CLDN20: variants seen among roughly 807,000 people sequenced by gnomAD.
CLDN20 encodes claudin 20.
For missense variants in CLDN20, 258 were observed against 267.9 expected (o/e 0.96, Z 0.26); for synonymous variants, 104 against 103.6 (o/e 1.00, Z -0.03).
intron 1 of CLDN20, among the ~76,000 whole-genome samples, chr6:155,268,886 A>G (rs1210348785): frequency 1.4e-5 from 2 of 148,086 alleles, no homozygotes; most frequent in Admixed American, 6.8e-5. Flanking sequence ...CCTTCCCTCC[A>G]CTATTGTCCT....
chr6:155,275,634 C>T lies in CLDN20; in HGVS notation c.-86C>T, dbSNP rs1751671651. 7.5e-7 allele frequency: 1 copy of T among 1,332,762 alleles called. No individual in the cohort carries two copies. The highest frequency in any genetic ancestry group is 1.4e-5 in the South Asian group (1 of 72,398). 82.6% of individuals were successfully genotyped at this position (1,332,762 alleles called of 1,614,324 possible). A position where few individuals can be genotyped will look rare whatever the true frequency, so the allele number is the denominator to read the frequency against. On this transcript the variant is annotated 5_prime_UTR_variant, in exon 2 of 2. Coordinates refer to ENST00000367165, the MANE Select transcript of CLDN20 (RefSeq NM_001001346.3). ...TCCTTAGGCTTTGTTATTTGGTTCT[C>T]TACTGCACAGAAATAGATAGAATTC...
At chr6:155,265,111 T>C (rs773826519) in intron 1 of CLDN20, among the ~76,000 whole-genome samples, 6 of 152,198 alleles carry the variant, frequency 3.9e-5, no homozygotes, top group Non-Finnish European at 8.8e-5. Flanking sequence ...ACGTGCCCTG[T>C]GTTTCCTGTC....
Position 155,275,925 on chromosome 6 carries a change from C to T in CLDN20, c.206C>T (p.Ser69Phe), listed in dbSNP as rs1189019584. 7.4e-6 allele frequency: 12 copies of T among 1,614,028 alleles called. No homozygotes were observed. The highest frequency in any genetic ancestry group is 1.0e-5 in the Non-Finnish European group (12 of 1,180,034). Residue 69 changes from serine to phenylalanine, a missense_variant, in exon 2 of 2, where the codon TCC becomes TTC. By Grantham distance (155) the Ser-to-Phe change is radical (BLOSUM62 -2). Coordinates refer to ENST00000367165, the MANE Select transcript of CLDN20 (RefSeq NM_001001346.3). ...TGMFSCALKH[S>F]ILSLPIHVQA... ...ATGTTCAGCTGTGCCCTGAAACACT[C>T]CATTCTGTCCCTCCCCATCCACGTG...
At chr6:155,267,132 A>G (rs1035169963) in intron 1 of CLDN20, among the ~76,000 whole-genome samples, 1 of 151,782 alleles carries the variant, frequency 6.6e-6, no homozygotes, top group African/African-American at 2.4e-5. Context: ...GTGGCACCAC[A>G]CCCGGCCAAT....
rs1176387237 is a variant in CLDN20, at chr6:155,276,493, T to C, written c.*114T>C. The C allele has an allele frequency of 1.0e-5, 10 of 960,394 alleles. No individual in the cohort carries two copies. Among genetic ancestry groups the C allele is most frequent in the Non-Finnish European group, 1.5e-5 (10 of 649,632 alleles). 59.5% of individuals were successfully genotyped at this position (960,394 alleles called of 1,614,324 possible). A position where few individuals can be genotyped will look rare whatever the true frequency, so the allele number is the denominator to read the frequency against. On this transcript the variant is annotated 3_prime_UTR_variant, in exon 2 of 2. Coordinates refer to ENST00000367165, the MANE Select transcript of CLDN20 (RefSeq NM_001001346.3). ...CCTACAAAGAAAGTAGAATGTAAAA[T>C]ACTTTAACAACTACAAAGTAGTTTA...
chr6:155,268,911 T>TC (rs1178721944), intron 1 of CLDN20, among the ~76,000 whole-genome samples: 2 of 97,924 alleles, frequency 2.0e-5, no homozygotes, highest in African/African-American at 8.4e-5. Context: ...CCCTGCCAAA[T>TC]CCCCCTCTGC....
intron 1 of CLDN20, among the ~76,000 whole-genome samples, chr6:155,268,362 C>T (rs547366138): frequency 6.0e-4 from 91 of 152,302 alleles, no homozygotes; most frequent in African/African-American, 2.1e-3. Context: ...TCCCCTTAAC[C>T]CTGATCCCCA....
intron 1 of CLDN20, among the ~76,000 whole-genome samples, chr6:155,268,710 C>T (rs112175041): frequency 0.012 from 1,840 of 151,798 alleles, 32 homozygotes; most frequent in Non-Finnish European, 0.015. Flanking sequence ...GGATTAAGGG[C>T]GGTGCAAGAT....
chr6:155,267,659 G>A (rs745457461), intron 1 of CLDN20, among the ~76,000 whole-genome samples: 7 of 152,114 alleles, frequency 4.6e-5, no homozygotes, highest in South Asian at 2.1e-4. Flanking sequence ...CAGCAGCTAG[G>A]CTTATAGAAA....
intron 1 of CLDN20, among the ~76,000 whole-genome samples, chr6:155,266,425 A>G (rs1445726857): frequency 1.3e-5 from 2 of 152,154 alleles, no homozygotes; most frequent in Non-Finnish European, 2.9e-5. Context: ...CTGGAGATTA[A>G]ATTCACTAGA....
In CLDN20 at chr6:155,276,330, A is replaced by ACACACAGCTCGAGAACAATTC. The variant is rs1320796818; in HGVS notation, c.618_638dup (p.Gln206_Thr212dup). ...CCACCCACACAGCAGCCTATCTCTAACACACAGCTCGAGAACAATTCCACA... is the reference window on the plus strand; with the variant it reads ...CCACCCACACAGCAGCCTATCTCTAACACACAGCTCGAGAACAATTCCACACAGCTCGAGAACAATTCCACA... On this transcript the variant is annotated inframe_insertion, in exon 2 of 2. Coordinates refer to ENST00000367165, the MANE Select transcript of CLDN20 (RefSeq NM_001001346.3). 6.2e-7 allele frequency: 1 copy of ACACACAGCTCGAGAACAATTC among 1,613,690 alleles called. No individual in the cohort carries two copies. Among genetic ancestry groups the ACACACAGCTCGAGAACAATTC allele is most frequent in the East Asian group, 2.2e-5 (1 of 44,876 alleles).
At position 155,276,504 on chromosome 6, in the gene CLDN20, CTACA is replaced by C; in HGVS notation, c.*126_*129del. On this transcript the variant is annotated 3_prime_UTR_variant, in exon 2 of 2. Transcript: ENST00000367165. ...AGTAGAATGTAAAATACTTTAACAA[CTACA>C]AAGTAGTTTAAAATGCCAATAAAAC... 1.2e-6 allele frequency: 1 copy of C among 863,328 alleles called. No homozygotes were observed. The highest frequency in any genetic ancestry group is 1.8e-6 in the Non-Finnish European group (1 of 563,582). 53.5% of individuals were successfully genotyped at this position (863,328 alleles called of 1,614,324 possible). A position where few individuals can be genotyped will look rare whatever the true frequency, so the allele number is the denominator to read the frequency against.
At chr6:155,272,423 T>C (rs535096923) in intron 1 of CLDN20, among the ~76,000 whole-genome samples, 1 of 152,204 alleles carries the variant, frequency 6.6e-6, no homozygotes, top group South Asian at 2.1e-4. Flanking sequence ...GTGTGCACTG[T>C]GTTTTGGGAC....
rs1248930658 is a variant in CLDN20, at chr6:155,276,289, A to G, written c.570A>G (p.Pro190=). 2 of 1,613,984 alleles carry G rather than the reference A, an allele frequency of 1.2e-6. No homozygotes were observed. The highest frequency in any genetic ancestry group is 2.7e-5 in the African/African-American group (2 of 74,914). ...GCACCTCCTGTATAAAAAGGAATCC[A>G]GAAGCTAGACTCGACCCACCCACAC... ...IFCTSCIKRN[P]EARLDPPTQQ... is the part of the protein sequence containing the mutation. The change falls in exon 2 of 2, where the codon CCA becomes CCG. Residue 190 remains proline, a synonymous_variant. Transcript: ENST00000367165.
intron 1 of CLDN20, among the ~76,000 whole-genome samples, chr6:155,273,265 G>A (rs1785025499): frequency 6.6e-6 from 1 of 152,190 alleles, no homozygotes; most frequent in African/African-American, 2.4e-5. Flanking sequence ...GCACACTGAT[G>A]TCTACAGATA....
chr6:155,268,533 G>A (rs1784766099), intron 1 of CLDN20, among the ~76,000 whole-genome samples: 1 of 152,180 alleles, frequency 6.6e-6, no homozygotes, highest in Non-Finnish European at 1.5e-5. Flanking sequence ...CTTTCAGAAA[G>A]ACAATAAAAG....
At chr6:155,269,328 T>TTTTC in intron 1 of CLDN20, among the ~76,000 whole-genome samples, 1 of 147,240 alleles carries the variant, frequency 6.8e-6, no homozygotes, top group East Asian at 2.0e-4. Context: ...TCTTTTCTTT[T>TTTTC]TTTTTTTTTT....
At chr6:155,274,414 A>T (rs1319563859) in intron 1 of CLDN20, among the ~76,000 whole-genome samples, 1 of 152,262 alleles carries the variant, frequency 6.6e-6, no homozygotes, top group African/African-American at 2.4e-5. Context: ...TTCCTCTTAA[A>T]AATAAACAAA....
chr6:155,274,579 T>G (rs945496938), intron 1 of CLDN20, among the ~76,000 whole-genome samples: 1 of 152,248 alleles, frequency 6.6e-6, no homozygotes, highest in African/African-American at 2.4e-5. Flanking sequence ...TGGTCCCAAT[T>G]AGAAAGGACC....
Sources: gnomAD v4.1 joint callset for allele counts (sites outside exome capture counted in the v4.1 genomes callset) on GRCh38, gnomAD v4.1.1 for gene constraint, MANE v1.5 for transcripts, NCBI Gene and HGNC (gene_info 2026-07-23, HGNC 2026-07-21) for gene names.